The following OTOGL variants were observed in gnomAD, a reference collection of about 807,000 sequenced individuals.
OTOGL encodes the protein otogelin-like protein.
Under a neutral mutation model 318.5 loss-of-function variants are expected in OTOGL, and 285 were observed. The ratio of observed to expected loss-of-function variants is 0.89; its 90% CI spans 0.81 to 0.99. The LOEUF is 0.99. OTOGL is among the 50% of genes least tolerant of loss of function. The probability of loss-of-function intolerance (pLI) is 0.00; values close to 1 mark genes in which losing one functional copy is unlikely to be tolerated. For synonymous variants in OTOGL, 987 were observed against 936.5 expected, an observed-to-expected ratio of 1.05 and a Z score of -0.99; for missense variants, 2,899 against 2,845.6, an observed-to-expected ratio of 1.02 and a Z score of -0.43.
chr12:80,218,165 T>G (rs1045865628), intron 5 of OTOGL, among the ~76,000 whole-genome samples: 2 of 152,226 alleles, frequency 1.3e-5, no homozygotes, highest in Non-Finnish European at 2.9e-5. Flanking sequence ...ATCTAAATAT[T>G]TAACATCTCT....
At position 80,279,133 on chromosome 12, in the gene OTOGL, C is replaced by T; in HGVS notation, c.2895C>T (p.Asp965=). ...HYYSFDGLEY[D]YISDCQVFLI... is the part of the protein sequence containing the mutation. Reference sequence around the variant, plus strand: ...ATTCTTTTGATGGACTAGAATATGACTATATCAGTGATTGCCAGGTGTTTT... The same window carrying T: ...ATTCTTTTGATGGACTAGAATATGATTATATCAGTGATTGCCAGGTGTTTT... Residue 965 remains aspartate (D), a synonymous_variant, in exon 26 of 59, where the codon GAC becomes GAT. Transcript: ENST00000547103. The T allele has an allele frequency of 3.1e-6, 5 of 1,593,628 alleles. No homozygotes were observed. Among genetic ancestry groups the T allele is most frequent in the Non-Finnish European group, 4.3e-6 (5 of 1,176,090 alleles).
chr12:80,173,326 A>T (rs1487831132), intron 1 of OTOGL, among the ~76,000 whole-genome samples: 2 of 152,174 alleles, frequency 1.3e-5, no homozygotes, highest in Non-Finnish European at 2.9e-5. Flanking sequence ...TGGATTATTC[A>T]TGAGTTTTCT....
At chr12:80,290,493 T>A (rs1312319385) in intron 26 of OTOGL, among the ~76,000 whole-genome samples, 1 of 152,128 alleles carries the variant, frequency 6.6e-6, no homozygotes, top group Non-Finnish European at 1.5e-5. Context: ...TTATTTCTCT[T>A]CTTCTGCATA....
At chr12:80,348,710 C>T (rs1442935063) in intron 44 of OTOGL, among the ~76,000 whole-genome samples, 1 of 152,154 alleles carries the variant, frequency 6.6e-6, no homozygotes, top group Non-Finnish European at 1.5e-5. Flanking sequence ...ACCTATTTCT[C>T]CAGCCACGTC....
chr12:80,213,497 C>T (rs2137318880), intron 4 of OTOGL, among the ~76,000 whole-genome samples: 1 of 152,314 alleles, frequency 6.6e-6, no homozygotes, highest in South Asian at 2.1e-4. Flanking sequence ...ATCTCAGACT[C>T]ATTTTACCCA....
chr12:80,103,654 T>C (rs1869279471), intron 1 of OTOGL, among the ~76,000 whole-genome samples: 1 of 152,256 alleles, frequency 6.6e-6, no homozygotes, highest in South Asian at 2.1e-4. Context: ...GCTGTATACG[T>C]ACCACCTAGC....
intron 26 of OTOGL, among the ~76,000 whole-genome samples, chr12:80,296,549 A>C (rs1469605305): frequency 1.3e-5 from 2 of 152,210 alleles, no homozygotes; most frequent in Admixed American, 6.5e-5. Context: ...AAATAAAATG[A>C]TAATGGTTGG....
chr12:80,213,209 C>G (rs995077895), intron 4 of OTOGL, among the ~76,000 whole-genome samples: 2 of 152,160 alleles, frequency 1.3e-5, no homozygotes, highest in African/African-American at 4.8e-5. Flanking sequence ...TTCTTTTAGA[C>G]TATATAGGGT....
At chr12:80,283,477 A>G (rs1483502307) in intron 26 of OTOGL, among the ~76,000 whole-genome samples, 2 of 152,070 alleles carry the variant, frequency 1.3e-5, no homozygotes, top group African/African-American at 4.8e-5. Context: ...TAGTCATAAC[A>G]TCAAAATTAA....
chr12:80,370,348 CA>C (rs1212431070), intron 55 of OTOGL, among the ~76,000 whole-genome samples: 6 of 151,852 alleles, frequency 4.0e-5, no homozygotes, highest in Admixed American at 1.3e-4. Context: ...ACACACTATA[CA>C]TATGTATGTA....
intron 23 of OTOGL, among the ~76,000 whole-genome samples, 153 bp from the exon 24 acceptor site, chr12:80,271,495 T>C (rs942481879): frequency 6.6e-6 from 1 of 152,106 alleles, no homozygotes; most frequent in African/African-American, 2.4e-5. Context: ...TTCAGAAAAT[T>C]ATATTCTAGT....
chr12:80,128,579 A>G (rs1871016889), intron 1 of OTOGL, among the ~76,000 whole-genome samples: 2 of 152,136 alleles, frequency 1.3e-5, no homozygotes, highest in Admixed American at 6.6e-5. Flanking sequence ...TCAGACAGGG[A>G]CATTTAAGTC....
chr12:80,178,596 T>C (rs1263505603), intron 1 of OTOGL, among the ~76,000 whole-genome samples: 4 of 152,190 alleles, frequency 2.6e-5, no homozygotes, highest in Non-Finnish European at 5.9e-5. Context: ...CTGGGTGCTC[T>C]CTCCCTACAC....
intron 24 of OTOGL, 81 bp downstream of exon 24, chr12:80,271,891 T>C: frequency 1.4e-6 from 2 of 1,456,972 alleles, no homozygotes; most frequent in Non-Finnish European, 9.3e-7. Flanking sequence ...TTTATAGAAA[T>C]AGCCAGAATT....
intron 56 of OTOGL, 95 bp downstream of exon 56, chr12:80,370,784 T>C (rs1436809416): frequency 2.2e-6 from 2 of 923,470 alleles, no homozygotes; most frequent in Non-Finnish European, 1.5e-6. Flanking sequence ...TTGTGGCTTA[T>C]ACATAATGGC....
At chr12:80,254,482 T>G (rs1338331514) in intron 14 of OTOGL, 42 bp from the exon 15 acceptor site, 3 of 1,516,854 alleles carry the variant, frequency 2.0e-6, no homozygotes, top group Non-Finnish European at 2.7e-6. Context: ...TTAATACAGT[T>G]TCTCTATGCC....
At chr12:80,254,996 C>T in intron 15 of OTOGL, 44 bp from the exon 16 acceptor site, 2 of 1,384,336 alleles carry the variant, frequency 1.4e-6, no homozygotes, top group Non-Finnish European at 1.9e-6. Flanking sequence ...TCCTCTATCT[C>T]CACCTCCTTT....
At chr12:80,169,211 CT>C (rs1874028401) in intron 1 of OTOGL, among the ~76,000 whole-genome samples, 1 of 152,032 alleles carries the variant, frequency 6.6e-6, no homozygotes, top group Non-Finnish European at 1.5e-5. Flanking sequence ...TCATGTTTTC[CT>C]TTTCCTAGAA....
intron 9 of OTOGL, among the ~76,000 whole-genome samples, chr12:80,233,392 AGGAACCT>A (rs1879554991): frequency 6.6e-6 from 1 of 152,248 alleles, no homozygotes; most frequent in African/African-American, 2.4e-5. Flanking sequence ...CCACTGCTTT[AGGAACCT>A]GGAATACATC....
Sources: allele counts gnomAD v4.1 joint callset (sites outside exome capture counted in the v4.1 genomes callset), GRCh38; gene constraint gnomAD v4.1.1; transcripts MANE v1.5; gene names NCBI Gene and HGNC (gene_info 2026-07-23, HGNC 2026-07-21).